The following ABCA13 variants were observed in gnomAD, a reference collection of about 807,000 sequenced individuals.
ABCA13 encodes ATP-binding cassette sub-family A member 13.
A neutral mutation model predicts 478.7 loss-of-function variants in ABCA13; 476 were observed. The ratio of observed to expected loss-of-function variants is 0.99; its 90% CI spans 0.92 to 1.07. The LOEUF (loss-of-function observed/expected upper bound fraction) is 1.07. Among genes scored for constraint, ABCA13 ranks in the 50% least tolerant of loss-of-function variants. The pLI, the probability that ABCA13 is intolerant of heterozygous loss-of-function variation, is 0.00. For synonymous variants in ABCA13, 2,252 were observed against 2,158.9 expected (o/e 1.04, Z -1.20); for missense variants, 6,060 against 5,910.6 (o/e 1.03, Z -0.83).
intron 17 of ABCA13, among the ~76,000 whole-genome samples, chr7:48,277,773 T>TACTTTCTTTCCTAA (rs1796491294): frequency 6.6e-6 from 1 of 152,220 alleles, no homozygotes; most frequent in Admixed American, 6.5e-5. Flanking sequence ...AGAATCACAT[T>TACTTTCTTTCCTAA]GTAGTCATTT....
chr7:48,350,956 G>T (rs567917267), intron 30 of ABCA13, 137 bp downstream of exon 30: 126 of 956,362 alleles, frequency 1.3e-4, no homozygotes, highest in Non-Finnish European at 1.9e-4. Flanking sequence ...ATAAAATAAA[G>T]CAGAACTGTT....
Position 48,281,373 on chromosome 7 carries a change from G to A in ABCA13, c.8757G>A (p.Gln2919=). The part of the protein sequence containing the change: ...SVVEICEVFQ[Q]TVKPSEAMEM... ...TTGAGATTTGTGAAGTTTTCCAGCA[G>A]ACTGTGAAGCCCTCAGAAGCCATGG... is the stretch of plus-strand genomic sequence containing the variant. Residue 2919 remains glutamine (Q), a synonymous_variant, in exon 19 of 62, where the codon CAG becomes CAA. Coordinates refer to ENST00000435803, the MANE Select transcript of ABCA13 (RefSeq NM_152701.5). 6.2e-7 allele frequency: 1 copy of A among 1,608,844 alleles called. No individual in the cohort carries two copies. Among genetic ancestry groups the A allele is most frequent in the Non-Finnish European group, 8.5e-7 (1 of 1,177,606 alleles).
Position 48,647,414 on chromosome 7 carries a change from GTT to G in ABCA13, c.*1903_*1904del, listed in dbSNP as rs1491310857. On this transcript the variant is annotated 3_prime_UTR_variant, in exon 62 of 62. Coordinates refer to ENST00000435803, the MANE Select transcript of ABCA13 (RefSeq NM_152701.5). ...GGAAATATGTAATCTTTTTATGATT[GTT>G]GAATCAATAAATACCAATTTGTGAA... 1 of 152,126 alleles carries G rather than the reference GTT, an allele frequency of 6.6e-6. No individual in the cohort carries two copies. The highest frequency in any genetic ancestry group is 1.5e-5 in the Non-Finnish European group (1 of 68,012). 9.4% of individuals were successfully genotyped at this position (152,126 alleles called of 1,614,324 possible).
intron 3 of ABCA13, among the ~76,000 whole-genome samples, chr7:48,211,193 G>T (rs1168837425): frequency 6.6e-6 from 1 of 152,202 alleles, no homozygotes; most frequent in South Asian, 2.1e-4. Flanking sequence ...GCTGAGCATT[G>T]AAGAGTTAGG....
chr7:48,298,428 A>G lies in ABCA13; in HGVS notation c.9262A>G (p.Ile3088Val). The change falls in exon 23 of 62, where the codon ATC becomes GTC. Residue 3088 changes from isoleucine (I) to valine (V), a missense_variant. Transcript: ENST00000435803. ...GTTGACTGAGGAGCTTCGCTCTTCCATCCAAATCTCGAATGAGACTATCCA... is the reference window on the plus strand; with the variant it reads ...GTTGACTGAGGAGCTTCGCTCTTCCGTCCAAATCTCGAATGAGACTATCCA... ...TKLTEELRSS[I>V]QISNETIHSI... 6 of 1,613,480 alleles carry G rather than the reference A, an allele frequency of 3.7e-6. No homozygotes were observed. The highest frequency in any genetic ancestry group is 4.2e-6 in the Non-Finnish European group (5 of 1,179,522).
intron 55 of ABCA13, among the ~76,000 whole-genome samples, chr7:48,564,982 A>G (rs4144062): frequency 0.14 from 21,031 of 152,010 alleles, 1,808 homozygotes; most frequent in African/African-American, 0.23. Flanking sequence ...CTGGAACTGT[A>G]TTGTTTTCTG....
intron 44 of ABCA13, among the ~76,000 whole-genome samples, chr7:48,467,959 A>C (rs1010253943): frequency 1.2e-4 from 18 of 152,186 alleles, no homozygotes; most frequent in African/African-American, 4.1e-4. Flanking sequence ...AAACAAAGTA[A>C]TTTATTTAAC....
chr7:48,425,890 C>T (rs901055258), intron 41 of ABCA13, among the ~76,000 whole-genome samples: 2 of 151,926 alleles, frequency 1.3e-5, no homozygotes, highest in East Asian at 3.9e-4. Context: ...TACAGGCGCC[C>T]GCCACCTCGC....
At chr7:48,339,864 TG>T (rs1806859162) in intron 29 of ABCA13, among the ~76,000 whole-genome samples, 1 of 152,062 alleles carries the variant, frequency 6.6e-6, no homozygotes, top group Non-Finnish European at 1.5e-5. Flanking sequence ...CATTCACGGG[TG>T]GGGTGGCGGT....
At chr7:48,233,903 G>C in intron 7 of ABCA13, 115 bp from the exon 8 acceptor site, 1 of 1,178,634 alleles carries the variant, frequency 8.5e-7, no homozygotes, top group Non-Finnish European at 1.2e-6. Context: ...AGTGGTGTTT[G>C]GTCTTCATTT....
intron 59 of ABCA13, among the ~76,000 whole-genome samples, chr7:48,627,694 A>G (rs1410146989): frequency 1.3e-5 from 2 of 152,216 alleles, no homozygotes; most frequent in African/African-American, 4.8e-5. Context: ...TGGGTAGTTT[A>G]TAAAGGAAAG....
intron 26 of ABCA13, among the ~76,000 whole-genome samples, chr7:48,315,350 G>C (rs1802416205): frequency 6.6e-6 from 1 of 152,062 alleles, no homozygotes; most frequent in Admixed American, 6.6e-5. Context: ...TGTACATATC[G>C]TGACTATACT....
chr7:48,591,424 A>C (rs1362278751), intron 57 of ABCA13, among the ~76,000 whole-genome samples: 2 of 151,918 alleles, frequency 1.3e-5, no homozygotes, highest in Non-Finnish European at 2.9e-5. Context: ...CTCCAGCACC[A>C]TTCTTCTTGC....
chr7:48,441,841 A>C (rs908363991), intron 42 of ABCA13, among the ~76,000 whole-genome samples: 2 of 152,228 alleles, frequency 1.3e-5, no homozygotes, highest in African/African-American at 4.8e-5. Flanking sequence ...AGAATCTACT[A>C]TAGAGACTGC....
In ABCA13 at chr7:48,463,152, G is replaced by A. The variant is rs140480174; in HGVS notation, c.12816-3804G>A. ...TGTTTTGTTTTTAATTTTAAAGTGTGTATTCCTGCAGCACCTTTATTTTTC... is the reference window on the plus strand; with the variant it reads ...TGTTTTGTTTTTAATTTTAAAGTGTATATTCCTGCAGCACCTTTATTTTTC... On this transcript the variant is annotated intron_variant, in intron 43 of 61. Transcript: ENST00000435803. Among the ~76,000 whole-genome samples the A allele has an allele frequency of 3.4e-3, 516 of 152,230 alleles. 5 individuals are homozygous for A. Among genetic ancestry groups the A allele is most frequent in the African/African-American group, 0.011 (474 of 41,534 alleles).
intron 3 of ABCA13, among the ~76,000 whole-genome samples, chr7:48,204,476 G>A (rs1213315533): frequency 6.6e-6 from 1 of 152,166 alleles, no homozygotes; most frequent in African/African-American, 2.4e-5. Flanking sequence ...CTCCCAAAGT[G>A]CTGGGATTAC....
intron 37 of ABCA13, 32 bp downstream of exon 37, chr7:48,389,252 G>A: frequency 6.4e-7 from 1 of 1,572,856 alleles, no homozygotes; most frequent in Non-Finnish European, 8.6e-7. Flanking sequence ...TCAAACACTG[G>A]GCATTTGATT....
intron 38 of ABCA13, among the ~76,000 whole-genome samples, chr7:48,394,656 T>A (rs1585137933): frequency 6.6e-6 from 1 of 152,218 alleles, no homozygotes; most frequent in East Asian, 1.9e-4. Flanking sequence ...TAAGCATTCT[T>A]TGAGTTGAAT....
At chr7:48,625,301 T>G (rs191431083) in intron 59 of ABCA13, among the ~76,000 whole-genome samples, 1 of 152,328 alleles carries the variant, frequency 6.6e-6, no homozygotes, top group East Asian at 1.9e-4. Context: ...GTGGATCATT[T>G]AAAAGTGAAA....
Sources: allele counts gnomAD v4.1 joint callset (sites outside exome capture counted in the v4.1 genomes callset), GRCh38; gene constraint gnomAD v4.1.1; transcripts MANE v1.5; gene names NCBI Gene and HGNC (gene_info 2026-07-23, HGNC 2026-07-21).